Variants in NALCN observed in about 807,000 individuals in gnomAD.
The protein encoded by NALCN is sodium leak channel NALCN.
In NALCN, 111 loss-of-function variants were observed where a neutral mutation model predicts 225.3. That is an observed-to-expected ratio of 0.49 (90% CI 0.42 to 0.58). NALCN has a LOEUF of 0.58. Among genes scored for constraint, NALCN ranks in the 20% least tolerant of loss-of-function variants. The probability of loss-of-function intolerance (pLI) is 0.00; values close to 1 mark genes in which losing one functional copy is unlikely to be tolerated. For missense variants in NALCN, 1,378 were observed against 2,202.4 expected, an observed-to-expected ratio of 0.63 and a Z score of 7.49; for synonymous variants, 764 against 769.0, an observed-to-expected ratio of 0.99 and a Z score of 0.11.
chr13:101,359,313 TG>T (rs1268114966), intron 6 of NALCN, among the ~76,000 whole-genome samples: 1 of 152,208 alleles, frequency 6.6e-6, no homozygotes, highest in Non-Finnish European at 1.5e-5. Flanking sequence ...TATTAGGAGA[TG>T]CTTGCTCCCT....
intron 17 of NALCN, among the ~76,000 whole-genome samples, chr13:101,135,193 TCAAA>T (rs529602596): frequency 7.2e-5 from 11 of 152,194 alleles, no homozygotes; most frequent in South Asian, 2.1e-4. Context: ...AGACTCCGTC[TCAAA>T]CAAACAAACA....
At position 101,081,519 on chromosome 13, in the gene NALCN, A is replaced by G. The variant is rs1246774340; in HGVS notation, c.3885+8T>C. 1.2e-6 allele frequency: 2 copies of G among 1,614,016 alleles called. No individual in the cohort carries two copies. The highest frequency in any genetic ancestry group is 1.7e-6 in the Non-Finnish European group (2 of 1,179,962). On this transcript the variant is annotated splice_region_variant and intron_variant, in intron 34 of 43. Coordinates refer to ENST00000251127, the MANE Select transcript of NALCN (RefSeq NM_052867.4). ...ATCAGCTGAAATCAACTTGACTTCT[A>G]TGCTTACCAGGAGGGCAAAGTGAAG...
At chr13:101,075,965 T>A (rs576680427) in intron 34 of NALCN, 24 bp from the exon 35 acceptor site, 3 of 1,598,098 alleles carry the variant, frequency 1.9e-6, no homozygotes, top group Non-Finnish European at 2.6e-6. Context: ...AGAAGACAGC[T>A]TCTCATAATT....
Position 101,374,629 on chromosome 13 carries a change from T to C in NALCN, c.644+2071A>G, listed in dbSNP as rs1195788758. ...AAGTAGGTATGAGATGCATGCCTTCTAAATAAAAATAAAATTAATTAAGGC... is the reference window on the plus strand; with the variant it reads ...AAGTAGGTATGAGATGCATGCCTTCCAAATAAAAATAAAATTAATTAAGGC... On this transcript the variant is annotated intron_variant, in intron 6 of 43. Transcript: ENST00000251127. 2.6e-5 allele frequency among the ~76,000 whole-genome samples: 4 copies of C among 152,278 alleles called. No individual in the cohort carries two copies. The East Asian group carries it at 7.7e-4, about 29-fold the overall frequency.
At chr13:101,216,266 A>G (rs1443531148) in intron 13 of NALCN, among the ~76,000 whole-genome samples, 16 of 152,160 alleles carry the variant, frequency 1.1e-4, no homozygotes, top group Admixed American at 1.0e-3. Flanking sequence ...AGCAGGAGAA[A>G]TAGTACAGAA....
intron 13 of NALCN, among the ~76,000 whole-genome samples, chr13:101,223,718 C>T (rs909999584): frequency 3.9e-5 from 6 of 152,140 alleles, no homozygotes; most frequent in African/African-American, 1.4e-4. Flanking sequence ...GCCTTTAGCC[C>T]TTCTAAAAAT....
chr13:101,112,663 C>G (rs1017081608), intron 18 of NALCN, among the ~76,000 whole-genome samples: 4 of 152,196 alleles, frequency 2.6e-5, no homozygotes, highest in African/African-American at 9.7e-5. Context: ...ATATGCAAAT[C>G]TAATGATACT....
chr13:101,249,732 A>G, intron 11 of NALCN, among the ~76,000 whole-genome samples: 1 of 152,122 alleles, frequency 6.6e-6, no homozygotes, highest in East Asian at 1.9e-4. Context: ...GCAACCTAGA[A>G]ATAGAAGTGA....
intron 1 of NALCN, among the ~76,000 whole-genome samples, chr13:101,414,053 T>TG (rs2047863485): frequency 9.6e-5 from 1 of 10,456 alleles, no homozygotes; most frequent in African/African-American, 1.6e-3. Flanking sequence ...ACTTGGTGAA[T>TG]TTTTTTTTTT....
chr13:101,330,026 G>C (rs924941303), intron 7 of NALCN, among the ~76,000 whole-genome samples: 63 of 150,806 alleles, frequency 4.2e-4, no homozygotes, highest in African/African-American at 1.5e-3. Flanking sequence ...GTGACAGAGA[G>C]AGACTGTTTC....
intron 6 of NALCN, among the ~76,000 whole-genome samples, chr13:101,351,949 G>A (rs2045919153): frequency 6.6e-6 from 1 of 152,146 alleles, no homozygotes; most frequent in South Asian, 2.1e-4. Flanking sequence ...TGCACTTAGT[G>A]TTGGCCTTCT....
At chr13:101,338,590 T>C (rs76836849) in intron 7 of NALCN, among the ~76,000 whole-genome samples, 9,393 of 152,214 alleles carry the variant, frequency 0.062, 967 homozygotes, top group African/African-American at 0.21. Context: ...TTTTAAAAGG[T>C]CATGACAAGG....
At chr13:101,070,233 A>T (rs1371446769) in intron 37 of NALCN, among the ~76,000 whole-genome samples, 1 of 151,894 alleles carries the variant, frequency 6.6e-6, no homozygotes, top group Admixed American at 6.6e-5. Context: ...TGCCCGGCTA[A>T]TTTTTTGTAT....
intron 11 of NALCN, among the ~76,000 whole-genome samples, chr13:101,245,948 C>A (rs1439714638): frequency 6.6e-6 from 1 of 152,194 alleles, no homozygotes; most frequent in Admixed American, 6.5e-5. Flanking sequence ...ATGGGGTGAA[C>A]ACCAAGTAGG....
intron 18 of NALCN, among the ~76,000 whole-genome samples, chr13:101,111,811 G>A (rs1010750968): frequency 3.3e-5 from 5 of 152,152 alleles, no homozygotes; most frequent in African/African-American, 9.7e-5. Flanking sequence ...CTCCAGCCAC[G>A]TGGAACTGTA....
Position 101,411,942 on chromosome 13 carries a change from G to A in NALCN, c.-40+4371C>T, listed in dbSNP as rs925541977. 4.6e-5 allele frequency among the ~76,000 whole-genome samples: 7 copies of A among 152,158 alleles called. No homozygotes were observed. The East Asian group carries it at 1.4e-3, about 29-fold the overall frequency. The stretch of plus-strand genomic sequence containing the variant: ...TATTTTTCAGGACTACAGATTTTCA[G>A]GACGTTATTTTATGTTTGCTGATAA... On this transcript the variant is annotated intron_variant, in intron 1 of 43. Coordinates refer to ENST00000251127, the MANE Select transcript of NALCN (RefSeq NM_052867.4).
chr13:101,220,698 G>A (rs2040903785), intron 13 of NALCN, among the ~76,000 whole-genome samples: 1 of 152,120 alleles, frequency 6.6e-6, no homozygotes, highest in African/African-American at 2.4e-5. Context: ...TTGAGTAATT[G>A]GAGATCTGAA....
intron 7 of NALCN, among the ~76,000 whole-genome samples, chr13:101,322,782 G>A (rs913665346): frequency 1.2e-4 from 18 of 151,638 alleles, no homozygotes; most frequent in Admixed American, 3.9e-4. Context: ...GCATGATCTC[G>A]GCTCACTGCA....
chr13:101,106,040 G>A (rs1275649919), intron 22 of NALCN, among the ~76,000 whole-genome samples: 5 of 152,172 alleles, frequency 3.3e-5, no homozygotes, highest in Non-Finnish European at 5.9e-5. Context: ...TTTGGAGGCT[G>A]GAAATCCAAG....
Sources: allele counts gnomAD v4.1 joint callset (sites outside exome capture counted in the v4.1 genomes callset), GRCh38; gene constraint gnomAD v4.1.1; transcripts MANE v1.5; gene names NCBI Gene and HGNC (gene_info 2026-07-23, HGNC 2026-07-21).